Variants in TULP1 observed in about 807,000 individuals in gnomAD.
The protein encoded by TULP1 is tubby-related protein 1.
TULP1 carries 50 observed loss-of-function variants against 67.1 expected under a neutral mutation model. The observed-to-expected ratio is 0.75, with a 90% confidence interval of 0.59 to 0.94. The LOEUF (loss-of-function observed/expected upper bound fraction) is 0.94. Among genes scored for constraint, TULP1 ranks in the 40% least tolerant of loss-of-function variants. TULP1 has a pLI of 0.00. For missense variants in TULP1, 746 were observed against 734.1 expected (o/e 1.02, Z -0.19); for synonymous variants, 297 against 294.0 (o/e 1.01, Z -0.11).
rs1278281377 is a variant in TULP1 at position 35,497,973 on chromosome 6, A to C, written c.*354T>G. 17 of 370,874 alleles carry C rather than the reference A, an allele frequency of 4.6e-5. No homozygotes were observed. Among genetic ancestry groups the C allele is most frequent in the Non-Finnish European group, 7.6e-5 (15 of 196,984 alleles). The allele number at this position is 370,874 out of a possible 1,614,324, so 23.0% of individuals were successfully genotyped here. On this transcript the variant is annotated 3_prime_UTR_variant, in exon 15 of 15. Coordinates refer to ENST00000229771, the MANE Select transcript of TULP1 (RefSeq NM_003322.6). ...GCCCGCCCCAGCTCCTCGGAGCCCT[A>C]GCGCGGTCCCGGGGAGAGGGGAGGT...
At chr6:35,505,471 G>C (rs1761060991) in intron 11 of TULP1, 1 of 854,094 alleles carries the variant, frequency 1.2e-6, no homozygotes, top group Admixed American at 2.1e-5. Flanking sequence ...CTTATGCCCT[G>C]CTCCAAGTGA....
chr6:35,511,572 C>T, intron 4 of TULP1, 76 bp downstream of exon 4: 1 of 1,551,218 alleles, frequency 6.4e-7, no homozygotes, highest in Non-Finnish European at 8.7e-7. Context: ...CCTCTCTGGG[C>T]CGTTCCCGTC....
intron 8 of TULP1, among the ~76,000 whole-genome samples, chr6:35,507,300 A>G (rs1457240643): frequency 6.6e-6 from 1 of 151,734 alleles, no homozygotes; most frequent in Admixed American, 6.6e-5. Context: ...ACAGGGAACT[A>G]TTTTAGAAGT....
intron 14 of TULP1, among the ~76,000 whole-genome samples, chr6:35,499,612 C>G (rs924368281): frequency 6.6e-6 from 1 of 152,220 alleles, no homozygotes; most frequent in African/African-American, 2.4e-5. Flanking sequence ...CAAAGGGCTG[C>G]CCTCTCTGAG....
In TULP1 at chr6:35,512,854, G is replaced by A; in HGVS notation, c.5C>T (p.Pro2Leu). 1 of 1,612,874 alleles carries A rather than the reference G, an allele frequency of 6.2e-7. No homozygotes were observed. Among genetic ancestry groups the A allele is most frequent in the Non-Finnish European group, 8.5e-7 (1 of 1,180,006 alleles). ...CTCTCGGAGGGTTTCATCCCGCAGA[G>A]GCATGGTGCCTTTGCCTATCGCACC... M[P>L]LRDETLREVW... The change falls in exon 1 of 15, where the codon CCT becomes CTT. Residue 2 changes from proline (P) to leucine (L), a missense_variant. By Grantham distance (98) the Pro-to-Leu change is moderately conservative (BLOSUM62 -3). This residue lies in a region of TULP1 where 359 missense variants were observed against 341.9 expected (regional missense o/e 1.05). Transcript: ENST00000229771.
At position 35,500,461 on chromosome 6, in the gene TULP1, G is replaced by A. The variant is rs555396324; in HGVS notation, c.1324-309C>T. On this transcript the variant is annotated intron_variant, in intron 13 of 14. Transcript: ENST00000229771. ...GGTCTTAGGAGACAGACACACACCAGTACCTAATGACAGGATGAGCCAATC... is the reference window on the plus strand; with the variant it reads ...GGTCTTAGGAGACAGACACACACCAATACCTAATGACAGGATGAGCCAATC... Among the ~76,000 whole-genome samples, 11 of 152,280 alleles carry A rather than the reference G, an allele frequency of 7.2e-5. No individual in the cohort carries two copies. The South Asian group carries it at 2.3e-3, about 32-fold the overall frequency.
chr6:35,503,247 A>C lies in TULP1; in HGVS notation c.1323+312T>G, dbSNP rs908973783. 4.5e-5 allele frequency: 17 copies of C among 381,404 alleles called. No individual in the cohort carries two copies. The highest frequency in any genetic ancestry group is 8.0e-5 in the Non-Finnish European group (16 of 199,530). The allele number at this position is 381,404 out of a possible 1,614,324, so 23.6% of individuals were successfully genotyped here. A position where few individuals can be genotyped will look rare whatever the true frequency, so the allele number is the denominator to read the frequency against. Reference sequence around the variant, plus strand: ...GCCACCGCGCCCGGCCCAGGGGTGCAGATCTTTGTTTTGTCCACTGATGTC... The same window carrying C: ...GCCACCGCGCCCGGCCCAGGGGTGCCGATCTTTGTTTTGTCCACTGATGTC... On this transcript the variant is annotated intron_variant, in intron 13 of 14. Transcript: ENST00000229771. This position sits in a 1 kb window ranked among gnomAD's most constrained non-coding sequence, Gnocchi z 4.0.
At chr6:35,512,313 G>A in intron 2 of TULP1, 43 bp from the exon 3 acceptor site, 2 of 1,004,626 alleles carry the variant, frequency 2.0e-6, no homozygotes, top group Admixed American at 3.3e-5. Flanking sequence ...AGGAAAGGGG[G>A]GCGCTGAGGC....
Position 35,509,907 on chromosome 6 carries a change from G to C in TULP1, c.521C>G (p.Pro174Arg), listed in dbSNP as rs375213186. 37 of 1,613,738 alleles carry C rather than the reference G, an allele frequency of 2.3e-5. No individual in the cohort carries two copies. The African/African-American group carries it at 3.2e-4, about 14-fold the overall frequency. Residue 174 changes from proline to arginine, a missense_variant, in exon 6 of 15, where the codon CCC becomes CGC. Coordinates refer to ENST00000229771, the MANE Select transcript of TULP1 (RefSeq NM_003322.6). ...CCTAACACGCAGAGGTTTCGGTGGGGGGTCAGGGCTTCCCAGGTCTCCTGG... is the reference window on the plus strand; with the variant it reads ...CCTAACACGCAGAGGTTTCGGTGGGCGGTCAGGGCTTCCCAGGTCTCCTGG... ...GPRGDLGSPD[P>R]PPKPLRVRNK... is the part of the protein sequence containing the mutation.
Position 35,511,699 on chromosome 6 carries a change from G to T in TULP1, c.298C>A (p.Arg100Ser). ...RFLRDPEAKK[R>S]DPRETFLVAR... Reference sequence around the variant, plus strand: ...ACCAGAAAGGTTTCCCGGGGGTCGCGCTTCTTGGCCTCGGGGTCCCTGAGG... The same window carrying T: ...ACCAGAAAGGTTTCCCGGGGGTCGCTCTTCTTGGCCTCGGGGTCCCTGAGG... The change falls in exon 4 of 15, where the codon CGC becomes AGC. Residue 100 changes from arginine to serine, a missense_variant. Transcript: ENST00000229771. 1 of 1,593,006 alleles carries T rather than the reference G, an allele frequency of 6.3e-7. No homozygotes were observed. The highest frequency in any genetic ancestry group is 8.5e-7 in the Non-Finnish European group (1 of 1,169,884).
chr6:35,512,099 C>G (rs2273003), intron 3 of TULP1, 81 bp downstream of exon 3: 610,130 of 789,042 alleles, frequency 0.77, 237,721 homozygotes, highest in African/African-American at 0.83. Flanking sequence ...CAGGGCTCGG[C>G]GACACCCGCG....
At chr6:35,509,968 A>T in intron 5 of TULP1, 40 bp from the exon 6 acceptor site, 1 of 1,599,250 alleles carries the variant, frequency 6.3e-7, no homozygotes, top group East Asian at 2.2e-5. Flanking sequence ...GAAGGTGTCT[A>T]CTGGGGCTGA....
At chr6:35,508,572 C>G (rs192720750) in intron 8 of TULP1, among the ~76,000 whole-genome samples, 1 of 152,288 alleles carries the variant, frequency 6.6e-6, no homozygotes, top group Non-Finnish European at 1.5e-5. Context: ...GTCAGTTGGA[C>G]CTCCCTCTCC....
chr6:35,505,546 C>T (rs1215004083), intron 11 of TULP1, 195 bp downstream of exon 11: 2 of 1,484,728 alleles, frequency 1.3e-6, no homozygotes. Flanking sequence ...ACTCCCGGGC[C>T]CACCCCACAC....
rs117373493 is a variant in TULP1 at position 35,510,089 on chromosome 6, T to C, written c.500-161A>G. Among the ~76,000 whole-genome samples, 955 of 151,886 alleles carry C rather than the reference T, an allele frequency of 6.3e-3. 16 individuals are homozygous for C. The highest frequency in any genetic ancestry group is 0.044 in the East Asian group (229 of 5,174). ...CTTTTTTTTTTTGAGACAGTCTCAC[T>C]GTTGCCCAGGCTGGAATGCAGTGGC... On this transcript the variant is annotated intron_variant, in intron 5 of 14. Transcript: ENST00000229771.
chr6:35,500,658 T>TAG (rs1217278547), intron 13 of TULP1, among the ~76,000 whole-genome samples: 1 of 152,204 alleles, frequency 6.6e-6, no homozygotes, highest in African/African-American at 2.4e-5. Context: ...GTTCATGGAT[T>TAG]AGAGTGAGTC....
chr6:35,499,567 A>T (rs1768783179), intron 14 of TULP1, among the ~76,000 whole-genome samples: 1 of 152,250 alleles, frequency 6.6e-6, no homozygotes. Flanking sequence ...TTCGAGGGCC[A>T]GTGTAACTTC....
In TULP1 at chr6:35,498,723, C is replaced by T. The variant is rs1768763756; in HGVS notation, c.1496-263G>A. On this transcript the variant is annotated intron_variant, in intron 14 of 14. Coordinates refer to ENST00000229771, the MANE Select transcript of TULP1 (RefSeq NM_003322.6). This position sits in a 1 kb window ranked among gnomAD's most constrained non-coding sequence, Gnocchi z 6.7. Reference sequence around the variant, plus strand: ...CACAGGCCATGCCTAGAGCCCGCACCTGATTAACTATAGGACCCTGTCAAA... The same window carrying T: ...CACAGGCCATGCCTAGAGCCCGCACTTGATTAACTATAGGACCCTGTCAAA... Among the ~76,000 whole-genome samples the T allele has an allele frequency of 6.6e-6, 1 of 152,204 alleles. No homozygotes were observed. Among genetic ancestry groups the T allele is most frequent in the African/African-American group, 2.4e-5 (1 of 41,428 alleles).
Position 35,512,310 on chromosome 6 carries a change from G to T in TULP1, c.100-40C>A, listed in dbSNP as rs762981379. 5.0e-5 allele frequency: 55 copies of T among 1,091,214 alleles called. 1 individual carries two copies. The highest frequency in any genetic ancestry group is 2.0e-5 in the Non-Finnish European group (16 of 792,776). The allele number at this position is 1,091,214 out of a possible 1,614,324, so 67.6% of individuals were successfully genotyped here. On this transcript the variant is annotated intron_variant, in intron 2 of 14. Transcript: ENST00000229771. ...TCAAGAGGAGGTCGAGGAAGGAAAG[G>T]GGGGCGCTGAGGCCCGCCCATCCCC...
Sources: allele counts gnomAD v4.1 joint callset (sites outside exome capture counted in the v4.1 genomes callset), GRCh38; gene constraint gnomAD v4.1.1; regional missense constraint gnomAD v4.1.1; non-coding constraint Gnocchi (gnomAD v3.1); transcripts MANE v1.5; gene names NCBI Gene and HGNC (gene_info 2026-07-23, HGNC 2026-07-21).